The following CD200 variants were observed in gnomAD, a reference collection of about 807,000 sequenced individuals.
CD200 encodes the protein OX-2 membrane glycoprotein.
Under a neutral mutation model 30.9 loss-of-function variants are expected in CD200, and 15 were observed. The observed-to-expected ratio is 0.49, with a 90% CI of 0.32 to 0.75. The LOEUF (loss-of-function observed/expected upper bound fraction) is 0.75. CD200 is among the 30% of genes least tolerant of loss of function. The pLI is 0.03. For synonymous variants in CD200, 134 were observed against 126.2 expected (o/e 1.06, Z -0.41); for missense variants, 262 against 324.2 (o/e 0.81, Z 1.47).
At position 112,361,984 on chromosome 3, in the gene CD200, G is replaced by C. The variant is rs545291633; in HGVS notation, c.*434G>C. On this transcript the variant is annotated 3_prime_UTR_variant, in exon 6 of 6. Coordinates refer to ENST00000315711, the MANE Select transcript of CD200 (RefSeq NM_005944.7). ...AAATGTAATTCCAGAAAAAAAAAGGGAATAAGCAAAGGGGGAAGAATTGAA... is the reference window on the plus strand; with the variant it reads ...AAATGTAATTCCAGAAAAAAAAAGGCAATAAGCAAAGGGGGAAGAATTGAA... 1 of 164,182 alleles carries C rather than the reference G, an allele frequency of 6.1e-6. No homozygotes were observed. Among genetic ancestry groups the C allele is most frequent in the East Asian group, 1.7e-4 (1 of 5,858 alleles). The allele number at this position is 164,182 out of a possible 1,614,324, so 10.2% of individuals were successfully genotyped here.
chr3:112,345,414 T>C, intron 3 of CD200, 126 bp downstream of exon 3: 1 of 705,356 alleles, frequency 1.4e-6, no homozygotes, highest in Non-Finnish European at 2.4e-6. Context: ...AGATAGCCTT[T>C]CTTGTCTACT....
chr3:112,341,726 G>T (rs958957740), intron 2 of CD200, among the ~76,000 whole-genome samples: 7 of 151,894 alleles, frequency 4.6e-5, no homozygotes. Flanking sequence ...TCCCCTAAAT[G>T]ATTTCTTCCA....
intron 2 of CD200, among the ~76,000 whole-genome samples, chr3:112,342,895 ACT>A (rs2081300500): frequency 6.6e-6 from 1 of 152,190 alleles, no homozygotes; most frequent in Non-Finnish European, 1.5e-5. Context: ...TAGGGTAGCA[ACT>A]TTTTTGTAGC....
At chr3:112,335,920 A>T in intron 1 of CD200, 1 of 1,548,594 alleles carries the variant, frequency 6.5e-7, no homozygotes, top group Non-Finnish European at 8.9e-7. Context: ...AATTTTTATC[A>T]TCTCATTGAT....
At chr3:112,335,908 C>G (rs1217063182) in intron 1 of CD200, 3 of 1,494,382 alleles carry the variant, frequency 2.0e-6, no homozygotes, top group African/African-American at 2.8e-5. Flanking sequence ...AATATTGGCT[C>G]TAATTTTTAT....
At chr3:112,352,540 TGAGAGA>T (rs3083141) in intron 5 of CD200, among the ~76,000 whole-genome samples, 3,706 of 149,636 alleles carry the variant, frequency 0.025, 119 homozygotes, top group African/African-American at 0.074. Context: ...GAGGTGGAAC[TGAGAGA>T]GAGAGAGAGA....
At chr3:112,339,827 G>T (rs1273452324) in intron 1 of CD200, among the ~76,000 whole-genome samples, 1 of 152,206 alleles carries the variant, frequency 6.6e-6, no homozygotes, top group East Asian at 1.9e-4. Context: ...TGACAGTGAT[G>T]ACTTGAGGGG....
chr3:112,354,123 G>T (rs1050402130), intron 5 of CD200, among the ~76,000 whole-genome samples: 19 of 152,218 alleles, frequency 1.2e-4, no homozygotes, highest in African/African-American at 4.6e-4. Context: ...GCTGTTCTTT[G>T]CTGTTCTCTC....
chr3:112,334,389 T>C (rs534723268), intron 1 of CD200: 3 of 260,574 alleles, frequency 1.2e-5, no homozygotes, highest in East Asian at 1.8e-4. Context: ...GTTCCCCCTA[T>C]ATGATTTGAT....
chr3:112,343,776 A>G (rs2081322856), intron 2 of CD200, among the ~76,000 whole-genome samples: 1 of 152,152 alleles, frequency 6.6e-6, no homozygotes, highest in Non-Finnish European at 1.5e-5. Flanking sequence ...TGATTACTAT[A>G]ATAGATCTGA....
chr3:112,347,772 G>A lies in CD200; in HGVS notation c.636G>A (p.Val212=). ...CTAAGAATCAGGTGGGGAAGGAGGTGATCTGCCAGGTGCTGCACCTGGGGA... is the reference window on the plus strand; with the variant it reads ...CTAAGAATCAGGTGGGGAAGGAGGTAATCTGCCAGGTGCTGCACCTGGGGA... ...KDPKNQVGKE[V]ICQVLHLGTV... Residue 212 remains valine, a synonymous_variant, in exon 4 of 6, where the codon GTG becomes GTA. Coordinates refer to ENST00000315711, the MANE Select transcript of CD200 (RefSeq NM_005944.7). 4 of 1,613,918 alleles carry A rather than the reference G, an allele frequency of 2.5e-6. No individual in the cohort carries two copies. The highest frequency in any genetic ancestry group is 1.3e-5 in the African/African-American group (1 of 74,990).
intron 2 of CD200, among the ~76,000 whole-genome samples, chr3:112,342,438 CTT>C (rs2081290848): frequency 7.3e-6 from 1 of 137,816 alleles, no homozygotes; most frequent in African/African-American, 2.7e-5. Context: ...TCTTCTCTCT[CTT>C]TCTATGAAAT....
chr3:112,348,425 T>C (rs375700629), intron 4 of CD200, among the ~76,000 whole-genome samples: 1 of 152,200 alleles, frequency 6.6e-6, no homozygotes, highest in Non-Finnish European at 1.5e-5. Context: ...CTGCCTCCTA[T>C]CCAAGTCCCT....
At chr3:112,358,408 T>A (rs1432016416) in intron 5 of CD200, among the ~76,000 whole-genome samples, 1 of 152,160 alleles carries the variant, frequency 6.6e-6, no homozygotes, top group Admixed American at 6.5e-5. Context: ...ATGTGCATTC[T>A]AAAAACGTGC....
chr3:112,343,351 T>C (rs1463581001), intron 2 of CD200, among the ~76,000 whole-genome samples: 1 of 152,184 alleles, frequency 6.6e-6, no homozygotes, highest in Non-Finnish European at 1.5e-5. Flanking sequence ...TCACCCAGGC[T>C]GGAGTACAGT....
intron 5 of CD200, among the ~76,000 whole-genome samples, chr3:112,357,925 C>T (rs2081658661): frequency 6.6e-6 from 1 of 152,128 alleles, no homozygotes; most frequent in Non-Finnish European, 1.5e-5. Context: ...GTTATGCATA[C>T]ATTTAAGAAA....
chr3:112,340,844 T>C, intron 1 of CD200, 58 bp from the exon 2 acceptor site: 1 of 1,087,000 alleles, frequency 9.2e-7, no homozygotes, highest in Non-Finnish European at 1.4e-6. Flanking sequence ...AGATTGAAGC[T>C]TCCTTGGATT....
intron 5 of CD200, among the ~76,000 whole-genome samples, chr3:112,353,458 T>C (rs1175658553): frequency 6.6e-6 from 1 of 152,214 alleles, no homozygotes; most frequent in African/African-American, 2.4e-5. Context: ...CTGCATGAGC[T>C]GTATATTTAT....
chr3:112,334,687 A>G (rs1450274257), intron 1 of CD200, among the ~76,000 whole-genome samples: 1 of 152,058 alleles, frequency 6.6e-6, no homozygotes, highest in Non-Finnish European at 1.5e-5. Context: ...CTCCCTGTAA[A>G]CATATAAATA....
Sources: allele counts gnomAD v4.1 joint callset (sites outside exome capture counted in the v4.1 genomes callset), GRCh38; gene constraint gnomAD v4.1.1; transcripts MANE v1.5; gene names NCBI Gene and HGNC (gene_info 2026-07-23, HGNC 2026-07-21).